Variants in NFIA observed in about 807,000 individuals in gnomAD.
NFIA encodes nuclear factor 1 A-type.
Under a neutral mutation model 62.8 loss-of-function variants are expected in NFIA, and 8 were observed. That is an observed-to-expected ratio of 0.13 (90% confidence interval 0.07 to 0.23). NFIA has a LOEUF of 0.23. Among genes scored for constraint, NFIA ranks in the 10% least tolerant of loss-of-function variants. The pLI, the probability that NFIA is intolerant of heterozygous loss-of-function variation, is 1.00. For synonymous variants in NFIA, 235 were observed against 238.1 expected (o/e 0.99, Z 0.12); for missense variants, 410 against 642.1 (o/e 0.64, Z 3.91).
intron 5 of NFIA, among the ~76,000 whole-genome samples, chr1:61,358,680 G>GCCCA (rs1663113316): frequency 6.6e-6 from 1 of 152,096 alleles, no homozygotes; most frequent in Non-Finnish European, 1.5e-5. Flanking sequence ...GAGCCACCAT[G>GCCCA]CCCAGCCCAA....
intron 6 of NFIA, among the ~76,000 whole-genome samples, chr1:61,380,910 A>T (rs1664382039): frequency 6.6e-6 from 1 of 152,144 alleles, no homozygotes; most frequent in East Asian, 1.9e-4. Flanking sequence ...CCCAAATTTT[A>T]CTTGTAATTC....
chr1:61,359,025 C>G, intron 5 of NFIA, 122 bp from the exon 6 acceptor site: 1 of 1,389,358 alleles, frequency 7.2e-7, no homozygotes. Flanking sequence ...TAAAAGGAGT[C>G]CTAGAACTAC....
intron 2 of NFIA, among the ~76,000 whole-genome samples, chr1:61,236,826 ACT>A (rs1655041768): frequency 6.6e-6 from 1 of 151,986 alleles, no homozygotes; most frequent in Non-Finnish European, 1.5e-5. Flanking sequence ...TATGGCAATC[ACT>A]CTTTTGCTTG....
At chr1:61,136,403 C>G (rs1570240074) in intron 2 of NFIA, among the ~76,000 whole-genome samples, 2 of 152,174 alleles carry the variant, frequency 1.3e-5, no homozygotes, top group African/African-American at 4.8e-5. Flanking sequence ...TGAAACATCT[C>G]TTCTTTAAAT....
chr1:61,167,353 T>A (rs1649648286), intron 2 of NFIA, among the ~76,000 whole-genome samples: 1 of 152,210 alleles, frequency 6.6e-6, no homozygotes, highest in African/African-American at 2.4e-5. Context: ...TACTTTTCTC[T>A]AAAGGAGGCA....
At chr1:61,455,181 T>A (rs1463122560) in intron 10 of NFIA, 122 bp from the exon 11 acceptor site, 16 of 906,938 alleles carry the variant, frequency 1.8e-5, no homozygotes, top group Non-Finnish European at 2.1e-5. Flanking sequence ...CCTTTACTTT[T>A]CCCAGCGAAT....
chr1:61,300,235 T>C (rs1016713437), intron 3 of NFIA, among the ~76,000 whole-genome samples: 18 of 152,322 alleles, frequency 1.2e-4, no homozygotes, highest in Admixed American at 9.2e-4. Context: ...AATTACACTC[T>C]AGAGTTTTAC....
chr1:61,114,846 T>G (rs990307089), intron 2 of NFIA, among the ~76,000 whole-genome samples: 3 of 152,176 alleles, frequency 2.0e-5, no homozygotes, highest in African/African-American at 7.2e-5. Flanking sequence ...AAACACCACA[T>G]TTTGGGTATT....
chr1:61,126,462 A>ACACACACACACACACACACACACACT lies in NFIA; in HGVS notation c.559+37795_559+37796insACACACACACACTCACACACACACAC, dbSNP rs35045816. On this transcript the variant is annotated intron_variant, in intron 2 of 10. Transcript: ENST00000403491. The stretch of plus-strand genomic sequence containing the variant: ...AACACACACACACACACACACACAC[A>ACACACACACACACACACACACACACT]CACACACACACACTCACAGAAATAT... Among the ~76,000 whole-genome samples the ACACACACACACACACACACACACACT allele has an allele frequency of 2.6e-4, 38 of 145,916 alleles. No individual in the cohort carries two copies. The East Asian group carries it at 3.1e-3, about 12-fold the overall frequency.
At chr1:61,441,121 T>C (rs955335406) in intron 10 of NFIA, among the ~76,000 whole-genome samples, 14 of 152,296 alleles carry the variant, frequency 9.2e-5, no homozygotes, top group African/African-American at 3.4e-4. Flanking sequence ...AAGGGACTAA[T>C]GGTTTAATAT....
chr1:61,138,509 G>A (rs1647264185), intron 2 of NFIA, among the ~76,000 whole-genome samples: 1 of 152,052 alleles, frequency 6.6e-6, no homozygotes, highest in South Asian at 2.1e-4. Context: ...CAGATTTGTG[G>A]TAAATCCTGG....
chr1:61,198,293 T>C (rs913145891), intron 2 of NFIA, among the ~76,000 whole-genome samples: 3 of 152,240 alleles, frequency 2.0e-5, no homozygotes, highest in Admixed American at 6.5e-5. Flanking sequence ...AGTTCTTTGC[T>C]AACATGATTC....
intron 2 of NFIA, among the ~76,000 whole-genome samples, chr1:61,187,947 T>A (rs187673467): frequency 1.3e-5 from 2 of 152,216 alleles, no homozygotes; most frequent in East Asian, 3.9e-4. Flanking sequence ...CTCGCTCACT[T>A]TGCCTCCTGC....
chr1:61,339,956 T>C (rs6685664), intron 4 of NFIA, among the ~76,000 whole-genome samples: 6,343 of 152,288 alleles, frequency 0.042, 443 homozygotes, highest in African/African-American at 0.14. Flanking sequence ...CACTGAGCTG[T>C]TGAAATTAGA....
chr1:61,177,474 T>C (rs1650455996), intron 2 of NFIA, among the ~76,000 whole-genome samples: 1 of 152,200 alleles, frequency 6.6e-6, no homozygotes, highest in East Asian at 1.9e-4. Context: ...TATCTAGTGA[T>C]GCTATATGCA....
At chr1:61,304,015 C>G (rs1659625341) in intron 3 of NFIA, among the ~76,000 whole-genome samples, 1 of 151,660 alleles carries the variant, frequency 6.6e-6, no homozygotes, top group Non-Finnish European at 1.5e-5. Context: ...TGGCTCACGC[C>G]TGTAAACCCA....
At chr1:61,352,301 T>G in intron 4 of NFIA, 149 bp from the exon 5 acceptor site, 1 of 595,854 alleles carries the variant, frequency 1.7e-6, no homozygotes, top group Non-Finnish European at 3.0e-6. Context: ...TCAATATTCC[T>G]TTGGAGTCAT....
chr1:61,249,396 C>A (rs1468308352), intron 2 of NFIA, among the ~76,000 whole-genome samples: 1 of 152,110 alleles, frequency 6.6e-6, no homozygotes, highest in African/African-American at 2.4e-5. Context: ...ATAATTCAGC[C>A]AACACGTTTT....
intron 2 of NFIA, among the ~76,000 whole-genome samples, chr1:61,140,971 T>C (rs909880240): frequency 5.5e-5 from 8 of 146,070 alleles, no homozygotes; most frequent in Non-Finnish European, 7.5e-5. Flanking sequence ...CTGGGTTTTT[T>C]TTTTTTTTTT....
Sources: allele counts gnomAD v4.1 joint callset (sites outside exome capture counted in the v4.1 genomes callset), GRCh38; gene constraint gnomAD v4.1.1; transcripts MANE v1.5; gene names NCBI Gene and HGNC (gene_info 2026-07-23, HGNC 2026-07-21).